The following BDH2 variants were observed in gnomAD, a reference collection of about 807,000 sequenced individuals.
BDH2 encodes dehydrogenase/reductase SDR family member 6.
In BDH2, 24 loss-of-function variants were observed where a neutral mutation model predicts 33.2. The ratio of observed to expected loss-of-function variants is 0.72; its 90% CI spans 0.52 to 1.02. BDH2 has a LOEUF of 1.02. Ranked by LOEUF, BDH2 falls within the 50% of genes least tolerant of loss-of-function variation. The pLI is 0.00. For synonymous variants in BDH2, 81 were observed against 101.6 expected (o/e 0.80, Z 1.22); for missense variants, 249 against 301.6 (o/e 0.83, Z 1.29).
rs1223830554 is a variant in BDH2, at chr4:103,079,677, C to G, written c.*25G>C. Reference sequence around the variant, plus strand: ...ACTGTGGATAGGAAGGGCCTGCCTTCCTTCCCACCATGGAGATCCTAAAAT... The same window carrying G: ...ACTGTGGATAGGAAGGGCCTGCCTTGCTTCCCACCATGGAGATCCTAAAAT... On this transcript the variant is annotated 3_prime_UTR_variant, in exon 10 of 10. Coordinates refer to ENST00000296424, the MANE Select transcript of BDH2 (RefSeq NM_020139.4). The G allele has an allele frequency of 4.3e-6, 7 of 1,611,182 alleles. No individual in the cohort carries two copies. Among genetic ancestry groups the G allele is most frequent in the Non-Finnish European group, 5.9e-6 (7 of 1,177,720 alleles).
At chr4:103,086,355 A>G in intron 6 of BDH2, 125 bp downstream of exon 6, 1 of 1,381,890 alleles carries the variant, frequency 7.2e-7, no homozygotes, top group Non-Finnish European at 9.4e-7. Context: ...CAATTTTGAA[A>G]AAAGCAGTTT....
At position 103,085,896 on chromosome 4, in the gene BDH2, T is replaced by C. The variant is rs147839547; in HGVS notation, c.419-434A>G. ...TGGTATCTCAGCAGTAACTATTTCA[T>C]TTTAAACTCACAGATCCAACTATGC... On this transcript the variant is annotated intron_variant, in intron 6 of 9. Transcript: ENST00000296424. The C allele has an allele frequency of 1.8e-5, 22 of 1,194,396 alleles. No homozygotes were observed. In the Admixed American group the frequency reaches 1.9e-4, roughly 10 times the overall value. 74.0% of individuals were successfully genotyped at this position (1,194,396 alleles called of 1,614,324 possible). A position where few individuals can be genotyped will look rare whatever the true frequency, so the allele number is the denominator to read the frequency against.
intron 8 of BDH2, 46 bp from the exon 9 acceptor site, chr4:103,082,219 A>G (rs1480899361): frequency 5.3e-6 from 8 of 1,518,714 alleles, no homozygotes; most frequent in African/African-American, 1.4e-5. Flanking sequence ...AAGCAGCTGT[A>G]TGTGCTCACC....
At chr4:103,086,012 G>C in intron 6 of BDH2, 1 of 1,147,708 alleles carries the variant, frequency 8.7e-7, no homozygotes. Flanking sequence ...TCTTTGTGAA[G>C]CATTCCACAA....
chr4:103,082,907 T>G lies in BDH2; in HGVS notation c.555A>C (p.Leu185=). 1.9e-6 allele frequency: 3 copies of G among 1,612,602 alleles called. No individual in the cohort carries two copies. Among genetic ancestry groups the G allele is most frequent in the Non-Finnish European group, 2.5e-6 (3 of 1,178,678 alleles). ...TTCCTCTGGCTTGTATTCTTTCTTG[T>G]AGAGATGGCGTATCAACTGTTCCTA... The part of the protein sequence containing the change: ...VCPGTVDTPS[L]QERIQARGNP... Residue 185 remains leucine, a synonymous_variant, in exon 8 of 10, where the codon CTA becomes CTC. Coordinates refer to ENST00000296424, the MANE Select transcript of BDH2 (RefSeq NM_020139.4).
chr4:103,088,532 A>G (rs1307383835), intron 5 of BDH2, among the ~76,000 whole-genome samples: 2 of 152,136 alleles, frequency 1.3e-5, no homozygotes, highest in African/African-American at 4.8e-5. Context: ...TTCCCAGTCC[A>G]GGTCAGGAGC....
chr4:103,084,798 T>C (rs570947567), intron 7 of BDH2, among the ~76,000 whole-genome samples: 1 of 152,354 alleles, frequency 6.6e-6, no homozygotes, highest in Admixed American at 6.5e-5. Flanking sequence ...TCAGAATCTC[T>C]TGTGGGTCTT....
At chr4:103,084,385 C>T (rs2110697854) in intron 7 of BDH2, among the ~76,000 whole-genome samples, 1 of 152,238 alleles carries the variant, frequency 6.6e-6, no homozygotes, top group Admixed American at 6.5e-5. Flanking sequence ...TGTGACTATA[C>T]AACCATCAGC....
chr4:103,087,681 C>T (rs1747861977), intron 5 of BDH2, among the ~76,000 whole-genome samples: 1 of 152,180 alleles, frequency 6.6e-6, no homozygotes, highest in African/African-American at 2.4e-5. Flanking sequence ...TCAGAATCTC[C>T]TGAGGTGCTA....
intron 7 of BDH2, 119 bp downstream of exon 7, chr4:103,085,230 C>A (rs1046827743): frequency 9.4e-6 from 7 of 742,050 alleles, no homozygotes; most frequent in Non-Finnish European, 1.3e-5. Context: ...TCTGTTGCAA[C>A]TATTATACTA....
At chr4:103,081,856 T>C (rs1747541302) in intron 9 of BDH2, among the ~76,000 whole-genome samples, 1 of 152,250 alleles carries the variant, frequency 6.6e-6, no homozygotes, top group Non-Finnish European at 1.5e-5. Context: ...TCCTCCATTT[T>C]GTTTGCTACA....
chr4:103,092,350 T>A (rs773372146), intron 4 of BDH2: 27 of 487,382 alleles, frequency 5.5e-5, no homozygotes, highest in Non-Finnish European at 9.6e-5. Flanking sequence ...TTGTAACACA[T>A]AATACAGCTT....
chr4:103,080,636 C>T (rs960742460), intron 9 of BDH2, among the ~76,000 whole-genome samples: 3 of 152,190 alleles, frequency 2.0e-5, no homozygotes, highest in Non-Finnish European at 2.9e-5. Context: ...ACCTCCAACT[C>T]CCCCAAGTTC....
Position 103,085,410 on chromosome 4 carries a change from G to A in BDH2, c.471C>T (p.Leu157=), listed in dbSNP as rs1176661275. Residue 157 remains leucine (L), a synonymous_variant, in exon 7 of 10, where the codon CTC becomes CTT. Transcript: ENST00000296424. ...YSTTKAAVIG[L]TKSVAADFIQ... ...TGAAATCTGCAGCCACAGATTTTGT[G>A]AGGCCAATCACGGCTGCCTTGGTTG... is the stretch of plus-strand genomic sequence containing the variant. 6.2e-7 allele frequency: 1 copy of A among 1,612,914 alleles called. No individual in the cohort carries two copies.
chr4:103,098,604 C>T (rs576501186), intron 1 of BDH2: 6 of 152,382 alleles, frequency 3.9e-5, no homozygotes, highest in African/African-American at 1.4e-4. Flanking sequence ...ACATAGACCT[C>T]CTCCCCAACG....
rs148456115 is a variant in BDH2, at chr4:103,086,011, A to G, written c.418+469T>C. On this transcript the variant is annotated intron_variant, in intron 6 of 9. Coordinates refer to ENST00000296424, the MANE Select transcript of BDH2 (RefSeq NM_020139.4). The stretch of plus-strand genomic sequence containing the variant: ...TGGCTCAGATCAACTGTCTTTGTGA[A>G]GCATTCCACAAACTCACAGGCAGTT... 6.1e-4 allele frequency: 701 copies of G among 1,151,352 alleles called. 1 individual carries two copies. The African/African-American group carries it at 0.011, about 18-fold the overall frequency. The allele number at this position is 1,151,352 out of a possible 1,614,324, so 71.3% of individuals were successfully genotyped here.
chr4:103,083,008 T>A (rs1383491507), intron 7 of BDH2, 79 bp from the exon 8 acceptor site: 13 of 1,246,668 alleles, frequency 1.0e-5, no homozygotes, highest in African/African-American at 1.5e-5. Flanking sequence ...CCTTTCCATA[T>A]GACAATCAGT....
intron 5 of BDH2, among the ~76,000 whole-genome samples, chr4:103,087,250 A>T (rs1227425325): frequency 6.6e-6 from 1 of 152,160 alleles, no homozygotes. Context: ...TGTGGAAGCA[A>T]TGAGGCTGCA....
chr4:103,084,884 G>T (rs1282295938), intron 7 of BDH2, among the ~76,000 whole-genome samples: 1 of 151,350 alleles, frequency 6.6e-6, no homozygotes, highest in Non-Finnish European at 1.5e-5. Context: ...AGGTCCCCAG[G>T]TCATATTGAA....
Sources: gnomAD v4.1 joint callset for allele counts (sites outside exome capture counted in the v4.1 genomes callset) on GRCh38, gnomAD v4.1.1 for gene constraint, MANE v1.5 for transcripts, NCBI Gene and HGNC (gene_info 2026-07-23, HGNC 2026-07-21) for gene names.